The following RCAN1 variants were observed in gnomAD, a reference collection of about 807,000 sequenced individuals.
RCAN1 encodes calcipressin-1.
A neutral mutation model predicts 22.9 loss-of-function variants in RCAN1; 11 were observed. That is an observed-to-expected ratio of 0.48 (90% confidence interval 0.30 to 0.79). RCAN1 has a LOEUF of 0.79. Among genes scored for constraint, RCAN1 ranks in the 30% least tolerant of loss-of-function variants. RCAN1 has a pLI of 0.06. For missense variants in RCAN1, 291 were observed against 337.8 expected (o/e 0.86, Z 1.09); for synonymous variants, 136 against 142.3 (o/e 0.96, Z 0.32).
At chr21:34,599,750 G>A (rs1390290425) in intron 1 of RCAN1, among the ~76,000 whole-genome samples, 3 of 152,076 alleles carry the variant, frequency 2.0e-5, no homozygotes, top group African/African-American at 2.4e-5. Flanking sequence ...GATTTGAGGC[G>A]TAATTAACAA....
chr21:34,547,809 C>T lies in RCAN1; in HGVS notation c.253-24099G>A, dbSNP rs191516166. Among the ~76,000 whole-genome samples the T allele has an allele frequency of 1.9e-4, 29 of 152,312 alleles. No individual in the cohort carries two copies. In the East Asian group the frequency reaches 5.4e-3, roughly 28 times the overall value. ...CGATGACCCTCACCAGATGCTGGCACCATGCTCTTAGACTTTTCAGCTTCC... is the reference window on the plus strand; with the variant it reads ...CGATGACCCTCACCAGATGCTGGCATCATGCTCTTAGACTTTTCAGCTTCC... On this transcript the variant is annotated intron_variant, in intron 1 of 3. Coordinates refer to ENST00000313806, the MANE Select transcript of RCAN1 (RefSeq NM_004414.7).
chr21:34,578,969 C>T (rs543270438), intron 1 of RCAN1, among the ~76,000 whole-genome samples: 1 of 152,224 alleles, frequency 6.6e-6, no homozygotes, highest in African/African-American at 2.4e-5. Context: ...TGAATAACAA[C>T]ACATACAACA....
intron 1 of RCAN1, among the ~76,000 whole-genome samples, chr21:34,569,284 T>C (rs551580209): frequency 6.6e-6 from 1 of 152,362 alleles, no homozygotes; most frequent in South Asian, 2.1e-4. Context: ...CTTCCAGCAC[T>C]AAACAGCAAG....
chr21:34,557,470 A>G (rs1019362381), intron 1 of RCAN1, among the ~76,000 whole-genome samples: 3 of 152,100 alleles, frequency 2.0e-5, no homozygotes, highest in Admixed American at 1.3e-4. Flanking sequence ...CAAGTCGGGG[A>G]ATGAGTCAAA....
rs564597294 is a variant in RCAN1, at chr21:34,567,217, T to C, written c.253-43507A>G. On this transcript the variant is annotated intron_variant, in intron 1 of 3. Transcript: ENST00000313806. The stretch of plus-strand genomic sequence containing the variant: ...TCCACTAAAAAGAAACCCCCGAGGC[T>C]GGGCGCGGTGGCTCACGCCTGTAAT... 1.7e-3 allele frequency among the ~76,000 whole-genome samples: 261 copies of C among 152,296 alleles called. 1 individual carries two copies. The highest frequency in any genetic ancestry group is 0.017 in the Middle Eastern group (5 of 294).
chr21:34,563,767 A>C (rs867344348), intron 1 of RCAN1, among the ~76,000 whole-genome samples: 5,781 of 99,010 alleles, frequency 0.058, 186 homozygotes, highest in African/African-American at 0.12. Flanking sequence ...AAAAAAAAAA[A>C]AAAATATATA....
At chr21:34,566,049 G>A (rs62211867) in intron 1 of RCAN1, among the ~76,000 whole-genome samples, 6,324 of 152,302 alleles carry the variant, frequency 0.042, 178 homozygotes, top group East Asian at 0.14. Context: ...TACAGCAGAA[G>A]TGGAGATATT....
chr21:34,589,930 T>A (rs1987916967), intron 1 of RCAN1, among the ~76,000 whole-genome samples: 2 of 152,206 alleles, frequency 1.3e-5, no homozygotes, highest in African/African-American at 4.8e-5. Context: ...TCTTTATATA[T>A]CTATATACAC....
chr21:34,602,586 T>C (rs1041830782), intron 1 of RCAN1, among the ~76,000 whole-genome samples: 4 of 152,148 alleles, frequency 2.6e-5, no homozygotes, highest in African/African-American at 9.7e-5. Context: ...CCACCTGAGA[T>C]CTACAGGTTG....
At chr21:34,549,747 C>T (rs2251708) in intron 1 of RCAN1, among the ~76,000 whole-genome samples, 121,096 of 152,126 alleles carry the variant, frequency 0.8, 48,422 homozygotes, top group East Asian at 0.9. Flanking sequence ...TATTTCTGAG[C>T]GGAGCTAAGG....
At chr21:34,610,041 G>C (rs183860004) in intron 1 of RCAN1, among the ~76,000 whole-genome samples, 2 of 152,266 alleles carry the variant, frequency 1.3e-5, no homozygotes, top group African/African-American at 4.8e-5. Context: ...CCTCACACTA[G>C]GGTGAAAAGT....
chr21:34,558,469 A>G (rs551126924), intron 1 of RCAN1, among the ~76,000 whole-genome samples: 13 of 152,300 alleles, frequency 8.5e-5, no homozygotes, highest in Admixed American at 2.0e-4. Context: ...ATCATCAGGA[A>G]AGGAAATGAT....
At chr21:34,530,423 A>G (rs1985314860) in intron 1 of RCAN1, among the ~76,000 whole-genome samples, 1 of 152,092 alleles carries the variant, frequency 6.6e-6, no homozygotes, top group Admixed American at 6.5e-5. Context: ...TATGAACTCT[A>G]AGGAGTTGAC....
At chr21:34,573,346 T>G (rs1987298697) in intron 1 of RCAN1, among the ~76,000 whole-genome samples, 1 of 152,238 alleles carries the variant, frequency 6.6e-6, no homozygotes, top group African/African-American at 2.4e-5. Flanking sequence ...GCTAATCTTT[T>G]GTATTAACCA....
chr21:34,578,606 C>G (rs532136980), intron 1 of RCAN1, among the ~76,000 whole-genome samples: 1 of 152,282 alleles, frequency 6.6e-6, no homozygotes, highest in Non-Finnish European at 1.5e-5. Flanking sequence ...GGTGGCCCCA[C>G]TCTGGGCCCT....
chr21:34,594,578 C>T (rs887239869), intron 1 of RCAN1, among the ~76,000 whole-genome samples: 25 of 147,360 alleles, frequency 1.7e-4, no homozygotes, highest in East Asian at 5.9e-4. Flanking sequence ...AACAACAAAA[C>T]GAAGGGTGGC....
intron 1 of RCAN1, among the ~76,000 whole-genome samples, chr21:34,547,637 GGGCA>G (rs1986202142): frequency 1.3e-5 from 2 of 152,176 alleles, no homozygotes; most frequent in African/African-American, 2.4e-5. Flanking sequence ...GAGGCCACGA[GGGCA>G]GAGCCCTTAC....
At chr21:34,525,349 T>C in intron 1 of RCAN1, 4 of 1,489,296 alleles carry the variant, frequency 2.7e-6, no homozygotes, top group Non-Finnish European at 3.6e-6. Flanking sequence ...TTCTGAGACT[T>C]TCCCACGAGG....
Position 34,554,965 on chromosome 21 carries a change from A to G in RCAN1, c.253-31255T>C, listed in dbSNP as rs142918594. Among the ~76,000 whole-genome samples, 398 of 152,326 alleles carry G rather than the reference A, an allele frequency of 2.6e-3. 4 individuals are homozygous for G. The highest frequency in any genetic ancestry group is 8.8e-3 in the African/African-American group (367 of 41,580). Reference sequence around the variant, plus strand: ...GGGAAAGACCTGCCCCCATGATTCAATTATCTCCCACTGGGTCCCTCCCAC... The same window carrying G: ...GGGAAAGACCTGCCCCCATGATTCAGTTATCTCCCACTGGGTCCCTCCCAC... On this transcript the variant is annotated intron_variant, in intron 1 of 3. Transcript: ENST00000313806.
Sources: gnomAD v4.1 joint callset for allele counts (sites outside exome capture counted in the v4.1 genomes callset) on GRCh38, gnomAD v4.1.1 for gene constraint, MANE v1.5 for transcripts, NCBI Gene and HGNC (gene_info 2026-07-23, HGNC 2026-07-21) for gene names.